The following ADAM2 variants were observed in gnomAD, a reference collection of about 807,000 sequenced individuals.
ADAM2 encodes disintegrin and metalloproteinase domain-containing protein 2.
A neutral mutation model predicts 99.3 loss-of-function variants in ADAM2; 101 were observed. The ratio of observed to expected loss-of-function variants is 1.02; its 90% CI spans 0.87 to 1.20. ADAM2 has a LOEUF of 1.20. ADAM2 is among the 50% of genes most tolerant of loss of function. ADAM2 has a pLI of 0.00. For synonymous variants in ADAM2, 323 were observed against 287.6 expected, an observed-to-expected ratio of 1.12 and a Z score of -1.25; for missense variants, 948 against 878.7, an observed-to-expected ratio of 1.08 and a Z score of -1.00.
In ADAM2 at chr8:39,824,896, T is replaced by G. The variant is rs1248751167; in HGVS notation, c.190A>C (p.Asn64His). The G allele has an allele frequency of 7.2e-6, 10 of 1,382,044 alleles. No individual in the cohort carries two copies. Among genetic ancestry groups the G allele is most frequent in the Non-Finnish European group, 1.0e-5 (10 of 983,220 alleles). 85.6% of individuals were successfully genotyped at this position (1,382,044 alleles called of 1,614,324 possible). Residue 64 changes from asparagine to histidine, a missense_variant and splice_region_variant, in exon 4 of 21, where the codon AAC becomes CAC. By Grantham distance (68) the Asn-to-His change is moderately conservative (BLOSUM62 1). Coordinates refer to ENST00000265708, the MANE Select transcript of ADAM2 (RefSeq NM_001464.5). ...KPYTVNLMQK[N>H]FLPHNFRVYS... ...ACTCTAAAATTATGGGGTAAAAAGT[T>G]TCTGTAACATAAAGATAAAATGGAA...
chr8:39,788,378 A>C, intron 8 of ADAM2, 127 bp from the exon 9 acceptor site: 2 of 595,284 alleles, frequency 3.4e-6, no homozygotes, highest in East Asian at 6.4e-5. Context: ...TTCATCTTTT[A>C]AAGTAGATTA....
chr8:39,795,519 A>C (rs977390309), intron 7 of ADAM2, among the ~76,000 whole-genome samples: 1 of 152,144 alleles, frequency 6.6e-6, no homozygotes, highest in Non-Finnish European at 1.5e-5. Flanking sequence ...CAATCATTTA[A>C]CAATCAGAAA....
chr8:39,785,003 GTCTGTTTAC>G (rs1256263280), intron 10 of ADAM2, among the ~76,000 whole-genome samples: 2 of 152,114 alleles, frequency 1.3e-5, no homozygotes, highest in Non-Finnish European at 2.9e-5. Context: ...TCTGTAGGTT[GTCTGTTTAC>G]TCTGTTGATA....
At chr8:39,814,053 G>A (rs1344885857) in intron 6 of ADAM2, among the ~76,000 whole-genome samples, 1 of 151,982 alleles carries the variant, frequency 6.6e-6, no homozygotes, top group Non-Finnish European at 1.5e-5. Context: ...AAGGTGGTCA[G>A]ATGCCAATTT....
intron 11 of ADAM2, among the ~76,000 whole-genome samples, chr8:39,772,009 A>T (rs892349360): frequency 9.2e-5 from 14 of 151,896 alleles, no homozygotes; most frequent in South Asian, 2.1e-4. Context: ...AGCACACCGA[A>T]ATGGTGCATG....
intron 3 of ADAM2, among the ~76,000 whole-genome samples, chr8:39,831,134 T>C (rs768642475): frequency 1.3e-5 from 2 of 152,274 alleles, no homozygotes; most frequent in East Asian, 1.9e-4. Context: ...ATGGTATTAA[T>C]ATTTTGTTAC....
At chr8:39,804,546 A>C (rs1804358320) in intron 7 of ADAM2, among the ~76,000 whole-genome samples, 1 of 152,180 alleles carries the variant, frequency 6.6e-6, no homozygotes, top group Admixed American at 6.5e-5. Context: ...TGTGATAGCA[A>C]TCCTGAAGTA....
rs151333971 is a variant in ADAM2, at chr8:39,795,069, T to C, written c.571-6329A>G. On this transcript the variant is annotated intron_variant, in intron 7 of 20. Transcript: ENST00000265708. ...AAAAAAAAATCTCCCTAAATATCTTTGGTAATTTACACTTTTAAAGTTTTG... is the reference window on the plus strand; with the variant it reads ...AAAAAAAAATCTCCCTAAATATCTTCGGTAATTTACACTTTTAAAGTTTTG... Among the ~76,000 whole-genome samples, 157 of 152,302 alleles carry C rather than the reference T, an allele frequency of 1.0e-3. 2 individuals carry two copies. Among genetic ancestry groups the C allele is most frequent in the African/African-American group, 3.3e-3 (139 of 41,566 alleles).
At chr8:39,794,758 C>A (rs1033391126) in intron 7 of ADAM2, among the ~76,000 whole-genome samples, 1 of 152,006 alleles carries the variant, frequency 6.6e-6, no homozygotes, top group Non-Finnish European at 1.5e-5. Context: ...GTTGTGAGCC[C>A]TTAAAAGGGA....
intron 16 of ADAM2, among the ~76,000 whole-genome samples, chr8:39,750,844 CTA>C (rs1801906841): frequency 6.6e-6 from 1 of 152,102 alleles, no homozygotes; most frequent in Non-Finnish European, 1.5e-5. Flanking sequence ...TCAAATAATG[CTA>C]TGTTTCAAAA....
In ADAM2 at chr8:39,837,229, A is replaced by G; in HGVS notation, c.56-17T>C. On this transcript the variant is annotated splice_polypyrimidine_tract_variant and intron_variant, in intron 1 of 20. Transcript: ENST00000265708. The stretch of plus-strand genomic sequence containing the variant: ...TATCAAAATCTGCAAAATGTGCAAA[A>G]TGTTTTATTAGAACAATGCCCATCA... 6.4e-7 allele frequency: 1 copy of G among 1,571,128 alleles called. No homozygotes were observed. The highest frequency in any genetic ancestry group is 1.1e-5 in the South Asian group (1 of 87,990).
intron 14 of ADAM2, 41 bp downstream of exon 14, chr8:39,766,807 G>GAA: frequency 1.4e-6 from 2 of 1,422,070 alleles, no homozygotes; most frequent in Non-Finnish European, 1.9e-6. Context: ...TCAGTTTCCA[G>GAA]AAAAAAACGC....
At chr8:39,756,747 G>A (rs188749220) in intron 15 of ADAM2, among the ~76,000 whole-genome samples, 2 of 152,316 alleles carry the variant, frequency 1.3e-5, no homozygotes, top group African/African-American at 4.8e-5. Flanking sequence ...AGGAGTCATC[G>A]AGGAAGGACT....
In ADAM2 at chr8:39,744,874, C is replaced by T; in HGVS notation, c.2194G>A (p.Glu732Lys). Residue 732 changes from glutamate to lysine, a missense_variant, in exon 20 of 21, where the codon GAA becomes AAA. Physicochemically the swap from Glu to Lys is moderately conservative, Grantham distance 56. Coordinates refer to ENST00000265708, the MANE Select transcript of ADAM2 (RefSeq NM_001464.5). Reference sequence around the variant, plus strand: ...TGTTGTCCAGACTACCCTTTAGGTTCACTCTCACTTTCAGGTTGCCTGCAT... The same window carrying T: ...TGTTGTCCAGACTACCCTTTAGGTTTACTCTCACTTTCAGGTTGCCTGCAT... ...SSDEQPESES[E>K]PKG The T allele has an allele frequency of 6.2e-7, 1 of 1,603,270 alleles. No homozygotes were observed. The highest frequency in any genetic ancestry group is 8.5e-7 in the Non-Finnish European group (1 of 1,174,964).
At chr8:39,803,878 A>G (rs1804318135) in intron 7 of ADAM2, among the ~76,000 whole-genome samples, 1 of 152,154 alleles carries the variant, frequency 6.6e-6, no homozygotes, top group South Asian at 2.1e-4. Context: ...TTTGTTTTTA[A>G]TATGGGAGAA....
At chr8:39,800,560 G>T (rs888643880) in intron 7 of ADAM2, among the ~76,000 whole-genome samples, 3 of 152,068 alleles carry the variant, frequency 2.0e-5, no homozygotes, top group Admixed American at 1.3e-4. Flanking sequence ...TCCTGAATTT[G>T]CATGTTGGCC....
chr8:39,785,536 A>G (rs1177841713), intron 10 of ADAM2, among the ~76,000 whole-genome samples: 1 of 152,166 alleles, frequency 6.6e-6, no homozygotes, highest in Non-Finnish European at 1.5e-5. Flanking sequence ...AAAGAAAATA[A>G]GTCAATCCCA....
chr8:39,820,389 C>A (rs913889764), intron 6 of ADAM2, among the ~76,000 whole-genome samples: 1 of 152,052 alleles, frequency 6.6e-6, no homozygotes, highest in Non-Finnish European at 1.5e-5. Context: ...GAATTCCTAA[C>A]CTCCCATGGT....
intron 18 of ADAM2, among the ~76,000 whole-genome samples, chr8:39,748,470 T>G (rs1823562450): frequency 6.6e-6 from 1 of 152,190 alleles, no homozygotes; most frequent in South Asian, 2.1e-4. Flanking sequence ...TATATAACAT[T>G]AAATATAATA....
Sources: allele counts gnomAD v4.1 joint callset (sites outside exome capture counted in the v4.1 genomes callset), GRCh38; gene constraint gnomAD v4.1.1; transcripts MANE v1.5; gene names NCBI Gene and HGNC (gene_info 2026-07-23, HGNC 2026-07-21).